MTMR3: variants seen among roughly 807,000 people sequenced by gnomAD.
The protein encoded by MTMR3 is phosphatidylinositol-3,5-bisphosphate 3-phosphatase MTMR3.
Under a neutral mutation model 132.4 loss-of-function variants are expected in MTMR3, and 32 were observed. The observed-to-expected ratio is 0.24, with a 90% CI of 0.18 to 0.32. MTMR3 has a LOEUF of 0.32. MTMR3 is among the 10% of genes least tolerant of loss of function. The pLI is 1.00. For synonymous variants in MTMR3, 556 were observed against 550.3 expected, an observed-to-expected ratio of 1.01 and a Z score of -0.14; for missense variants, 1,216 against 1,489.6, an observed-to-expected ratio of 0.82 and a Z score of 3.02.
chr22:29,897,126 C>G (rs1198106932), intron 1 of MTMR3, among the ~76,000 whole-genome samples: 3 of 150,344 alleles, frequency 2.0e-5, no homozygotes, highest in African/African-American at 7.4e-5. Flanking sequence ...TGTCGCCAGG[C>G]TGGAGTGCAG....
At chr22:29,951,143 C>T (rs2066071304) in intron 1 of MTMR3, among the ~76,000 whole-genome samples, 1 of 149,988 alleles carries the variant, frequency 6.7e-6, no homozygotes, top group African/African-American at 2.5e-5. Context: ...GAGTGAGACT[C>T]AGTCTCAAAA....
chr22:29,940,638 C>T (rs1272711257), intron 1 of MTMR3, among the ~76,000 whole-genome samples: 1 of 150,056 alleles, frequency 6.7e-6, no homozygotes, highest in African/African-American at 2.5e-5. Flanking sequence ...CTCACCCTGC[C>T]CCACCTTTTT....
At chr22:29,959,157 G>A (rs1185205304) in intron 2 of MTMR3, among the ~76,000 whole-genome samples, 1 of 152,170 alleles carries the variant, frequency 6.6e-6, no homozygotes, top group Non-Finnish European at 1.5e-5. Flanking sequence ...ATGTTGGTTT[G>A]CTTCTGTAAA....
chr22:29,927,577 G>T (rs1408156489), intron 1 of MTMR3, among the ~76,000 whole-genome samples: 1 of 151,444 alleles, frequency 6.6e-6, no homozygotes, highest in Non-Finnish European at 1.5e-5. Flanking sequence ...TTTTAATTTC[G>T]AGGTGTTTAG....
intron 11 of MTMR3, 40 bp from the exon 12 acceptor site, chr22:30,008,978 T>G (rs753142784): frequency 1.4e-6 from 2 of 1,432,366 alleles, no homozygotes; most frequent in Non-Finnish European, 2.0e-6. Flanking sequence ...GGGCTTTAAG[T>G]TCAACGTATT....
intron 1 of MTMR3, among the ~76,000 whole-genome samples, chr22:29,883,976 C>CA (rs1275764751): frequency 6.6e-6 from 1 of 152,196 alleles, no homozygotes; most frequent in Non-Finnish European, 1.5e-5. Flanking sequence ...CAAATGATTA[C>CA]AGTGTTATTT....
Position 30,002,945 on chromosome 22 carries a change from G to A in MTMR3, c.623G>A (p.Ser208Asn), listed in dbSNP as rs765579218. The change falls in exon 9 of 20, where the codon AGT becomes AAT. Residue 208 changes from serine (S) to asparagine (N), a missense_variant. This residue lies in a region of MTMR3 where 129 missense variants were observed against 245.7 expected (regional missense o/e 0.53). Coordinates refer to ENST00000401950, the MANE Select transcript of MTMR3 (RefSeq NM_021090.4). ...PAWITDKELE[S>N]VSSFRSWKRI... ...TGGATCACTGACAAAGAACTGGAAAGTGTATCAAGTTTCAGGTCCTGGAAG... is the reference window on the plus strand; with the variant it reads ...TGGATCACTGACAAAGAACTGGAAAATGTATCAAGTTTCAGGTCCTGGAAG... 5 of 1,614,084 alleles carry A rather than the reference G, an allele frequency of 3.1e-6. No homozygotes were observed. The East Asian group carries it at 1.1e-4, about 36-fold the overall frequency.
chr22:29,992,701 C>G (rs1283588242), intron 7 of MTMR3: 1 of 152,064 alleles, frequency 6.6e-6, no homozygotes, highest in South Asian at 2.1e-4. Context: ...AATTTTAATC[C>G]TGAATCTTCA....
intron 15 of MTMR3, chr22:30,017,294 G>A (rs2067619042): frequency 6.5e-6 from 1 of 153,602 alleles, no homozygotes; most frequent in Non-Finnish European, 1.4e-5. Flanking sequence ...TACTAGCTTT[G>A]TCAGAATGCA....
At chr22:30,001,676 G>A (rs1217752911) in intron 8 of MTMR3, 1 of 152,178 alleles carries the variant, frequency 6.6e-6, no homozygotes, top group Non-Finnish European at 1.5e-5. Context: ...AGAAGAGTGA[G>A]AGCCAAGTTT....
chr22:29,947,776 G>T (rs1355828818), intron 1 of MTMR3, among the ~76,000 whole-genome samples: 2 of 152,070 alleles, frequency 1.3e-5, no homozygotes, highest in Non-Finnish European at 2.9e-5. Context: ...GTATGTATTT[G>T]GATGGCAGTC....
chr22:29,945,553 A>T (rs895346979), intron 1 of MTMR3, among the ~76,000 whole-genome samples: 2 of 151,462 alleles, frequency 1.3e-5, no homozygotes, highest in Non-Finnish European at 3.0e-5. Flanking sequence ...AAAAAAAAAA[A>T]ATGTAGCCAG....
chr22:29,884,551 C>CTT lies in MTMR3; in HGVS notation c.-138+1220_-138+1221dup, dbSNP rs35960936. On this transcript the variant is annotated intron_variant, in intron 1 of 19. Coordinates refer to ENST00000401950, the MANE Select transcript of MTMR3 (RefSeq NM_021090.4). ...GGCTAGAAGAGCTTACAGAATGACACTTTTTTTTTTTTTTTTTTTTTTTTT... is the reference window on the plus strand; with the variant it reads ...GGCTAGAAGAGCTTACAGAATGACACTTTTTTTTTTTTTTTTTTTTTTTTTTT... 2.9e-4 allele frequency among the ~76,000 whole-genome samples: 18 copies of CTT among 62,682 alleles called. 1 individual carries two copies. Among genetic ancestry groups the CTT allele is most frequent in the African/African-American group, 9.0e-4 (16 of 17,860 alleles). The allele number at this position is 62,682 out of a possible 152,430, so 41.1% of individuals were successfully genotyped here.
chr22:29,973,341 A>G (rs556696007), intron 3 of MTMR3, among the ~76,000 whole-genome samples: 1 of 152,246 alleles, frequency 6.6e-6, no homozygotes, highest in Non-Finnish European at 1.5e-5. Context: ...TCATATGAAC[A>G]TCATTCAGCT....
At chr22:29,963,320 C>A (rs2066350559) in intron 2 of MTMR3, among the ~76,000 whole-genome samples, 1 of 151,314 alleles carries the variant, frequency 6.6e-6, no homozygotes, top group Non-Finnish European at 1.5e-5. Flanking sequence ...TGGGTAAAAG[C>A]AGTGTGCTGA....
intron 7 of MTMR3, chr22:29,998,095 A>G (rs921049849): frequency 3.9e-5 from 6 of 152,244 alleles, no homozygotes; most frequent in South Asian, 2.1e-4. Flanking sequence ...GAAGTAGGCA[A>G]GTAGCCAGTG....
Position 29,933,276 on chromosome 22 carries a change from A to G in MTMR3, c.-137-23760A>G, listed in dbSNP as rs1288165515. Among the ~76,000 whole-genome samples, 3 of 150,712 alleles carry G rather than the reference A, an allele frequency of 2.0e-5. No individual in the cohort carries two copies. In the East Asian group the frequency reaches 5.9e-4, roughly 29 times the overall value. On this transcript the variant is annotated intron_variant, in intron 1 of 19. Transcript: ENST00000401950. ...GAGTTTATTTCTTGAGAATAAGGACATTATCTTTTTTTTTTCTTTTTATTA... is the reference window on the plus strand; with the variant it reads ...GAGTTTATTTCTTGAGAATAAGGACGTTATCTTTTTTTTTTCTTTTTATTA...
intron 1 of MTMR3, among the ~76,000 whole-genome samples, chr22:29,922,706 G>C (rs1040791140): frequency 6.6e-6 from 1 of 151,972 alleles, no homozygotes; most frequent in Admixed American, 6.6e-5. Flanking sequence ...TGGTCATTCT[G>C]TGTGTTAATT....
chr22:29,887,430 T>C (rs1167984796), intron 1 of MTMR3, among the ~76,000 whole-genome samples: 1 of 152,226 alleles, frequency 6.6e-6, no homozygotes, highest in Non-Finnish European at 1.5e-5. Flanking sequence ...AGAATCCTAT[T>C]TTATGTCTTT....
Sources: gnomAD v4.1 joint callset for allele counts (sites outside exome capture counted in the v4.1 genomes callset) on GRCh38, gnomAD v4.1.1 for gene constraint, gnomAD v4.1.1 regional missense constraint, MANE v1.5 for transcripts, NCBI Gene and HGNC (gene_info 2026-07-23, HGNC 2026-07-21) for gene names.